The following GPC5 variants were observed in gnomAD, a reference collection of about 807,000 sequenced individuals.
GPC5 encodes glypican-5.
A neutral mutation model predicts 53.9 loss-of-function variants in GPC5; 47 were observed. The ratio of observed to expected loss-of-function variants is 0.87; its 90% CI spans 0.69 to 1.11. GPC5 has a LOEUF of 1.11. GPC5 is among the 50% of genes most tolerant of loss of function. GPC5 has a pLI of 0.00. For missense variants in GPC5, 748 were observed against 713.1 expected (o/e 1.05, Z -0.56); for synonymous variants, 286 against 263.3 (o/e 1.09, Z -0.84).
Position 91,928,047 on chromosome 13 carries a change from TAC to T in GPC5, c.1401+19996_1401+19997del, listed in dbSNP as rs2039785325. Among the ~76,000 whole-genome samples, 4 of 152,218 alleles carry T rather than the reference TAC, an allele frequency of 2.6e-5. No individual in the cohort carries two copies. The South Asian group carries it at 8.3e-4, about 32-fold the overall frequency. ...GGGCAACTGATTTTGCATGTGGGTG[TAC>T]ACACAGACACATATCCACATATTCT... On this transcript the variant is annotated intron_variant, in intron 6 of 7. Coordinates refer to ENST00000377067, the MANE Select transcript of GPC5 (RefSeq NM_004466.6).
intron 5 of GPC5, among the ~76,000 whole-genome samples, chr13:91,793,070 T>C (rs1051656128): frequency 1.3e-5 from 2 of 152,184 alleles, no homozygotes; most frequent in Non-Finnish European, 2.9e-5. Flanking sequence ...CTCATTCTGC[T>C]GCTGAAGACA....
chr13:92,192,792 A>T (rs910733986), intron 7 of GPC5, among the ~76,000 whole-genome samples: 3 of 152,226 alleles, frequency 2.0e-5, no homozygotes, highest in African/African-American at 7.2e-5. Flanking sequence ...GTTTAATACC[A>T]TTATGTTTGC....
At position 91,533,343 on chromosome 13, in the gene GPC5, A is replaced by C. The variant is rs1886438352; in HGVS notation, c.325+84421A>C. ...TCATTGGGCTTGAGAAAATTAGTTC[A>C]AAGACTGGAATTGTCATTAACAACT... On this transcript the variant is annotated intron_variant, in intron 2 of 7. Coordinates refer to ENST00000377067, the MANE Select transcript of GPC5 (RefSeq NM_004466.6). 2.0e-5 allele frequency among the ~76,000 whole-genome samples: 3 copies of C among 152,300 alleles called. No individual in the cohort carries two copies. The South Asian group carries it at 6.2e-4, about 32-fold the overall frequency.
intron 6 of GPC5, among the ~76,000 whole-genome samples, chr13:92,141,791 C>T (rs9523517): frequency 0.57 from 87,039 of 151,888 alleles, 25,302 homozygotes; most frequent in Non-Finnish European, 0.61. Flanking sequence ...AGAATCTGCT[C>T]CCAAGCTCGT....
At chr13:91,941,658 C>A (rs2039928534) in intron 6 of GPC5, among the ~76,000 whole-genome samples, 1 of 152,112 alleles carries the variant, frequency 6.6e-6, no homozygotes, top group Non-Finnish European at 1.5e-5. Context: ...GCAGAGGGAT[C>A]ATGTTTTAGC....
At chr13:92,673,024 C>G (rs1566356547) in intron 7 of GPC5, among the ~76,000 whole-genome samples, 1 of 151,990 alleles carries the variant, frequency 6.6e-6, no homozygotes, top group Non-Finnish European at 1.5e-5. Flanking sequence ...ACTTGTACCC[C>G]CGAACCTAAA....
At chr13:92,301,814 C>G (rs1042172525) in intron 7 of GPC5, among the ~76,000 whole-genome samples, 1 of 152,142 alleles carries the variant, frequency 6.6e-6, no homozygotes, top group Non-Finnish European at 1.5e-5. Context: ...AGGAGAATCA[C>G]TTGAACCCAG....
chr13:92,164,477 C>A (rs1337284751), intron 7 of GPC5, among the ~76,000 whole-genome samples: 1 of 152,240 alleles, frequency 6.6e-6, no homozygotes, highest in Non-Finnish European at 1.5e-5. Context: ...TCTCCTTTGA[C>A]TCCATCTCTC....
intron 7 of GPC5, among the ~76,000 whole-genome samples, chr13:92,272,067 T>C (rs2042843499): frequency 6.6e-6 from 1 of 152,206 alleles, no homozygotes; most frequent in Admixed American, 6.5e-5. Context: ...TTATTCACTA[T>C]ACTCAGCCAG....
chr13:92,651,554 G>T (rs1406140976), intron 7 of GPC5, among the ~76,000 whole-genome samples: 1 of 152,086 alleles, frequency 6.6e-6, no homozygotes, highest in Middle Eastern at 3.2e-3. Flanking sequence ...AGCCTATAGA[G>T]ACATGACAAC....
At chr13:92,379,931 A>G (rs536984942) in intron 7 of GPC5, among the ~76,000 whole-genome samples, 1 of 152,284 alleles carries the variant, frequency 6.6e-6, no homozygotes, top group East Asian at 1.9e-4. Context: ...ATTAGTTTGC[A>G]TACCAGAAAG....
At chr13:92,460,606 C>T (rs375415374) in intron 7 of GPC5, among the ~76,000 whole-genome samples, 39 of 152,212 alleles carry the variant, frequency 2.6e-4, no homozygotes, top group African/African-American at 9.4e-4. Context: ...TTGAGACCAA[C>T]TAAATGCTCA....
intron 7 of GPC5, among the ~76,000 whole-genome samples, chr13:92,833,942 C>T (rs1236085960): frequency 6.6e-6 from 1 of 152,106 alleles, no homozygotes; most frequent in East Asian, 1.9e-4. Flanking sequence ...TGGATTTCAT[C>T]CAAAGATAAA....
intron 5 of GPC5, among the ~76,000 whole-genome samples, chr13:91,842,526 C>T (rs962286030): frequency 6.7e-6 from 1 of 149,544 alleles, no homozygotes; most frequent in Admixed American, 6.7e-5. Flanking sequence ...CACGGTGAAA[C>T]CCCGTTTCTA....
In GPC5 at chr13:91,909,920, G is replaced by T. The variant is rs529552163; in HGVS notation, c.1401+1863G>T. 2.6e-5 allele frequency among the ~76,000 whole-genome samples: 4 copies of T among 152,104 alleles called. No individual in the cohort carries two copies. The South Asian group carries it at 8.3e-4, about 32-fold the overall frequency. On this transcript the variant is annotated intron_variant, in intron 6 of 7. Coordinates refer to ENST00000377067, the MANE Select transcript of GPC5 (RefSeq NM_004466.6). ...GAAGTCATCCTACCTTTCTTTTTTA[G>T]CTTCTGTGTGAACTCGAGTCCCATT...
intron 5 of GPC5, among the ~76,000 whole-genome samples, chr13:91,768,300 G>A (rs984802618): frequency 1.3e-5 from 2 of 152,006 alleles, no homozygotes; most frequent in Non-Finnish European, 2.9e-5. Context: ...CTTTTCTGAT[G>A]TATTTTTCAA....
At chr13:92,107,780 A>C (rs994823379) in intron 6 of GPC5, among the ~76,000 whole-genome samples, 1 of 152,134 alleles carries the variant, frequency 6.6e-6, no homozygotes, top group Non-Finnish European at 1.5e-5. Context: ...ACATTGACCA[A>C]ATGGTTTAAT....
intron 7 of GPC5, among the ~76,000 whole-genome samples, chr13:92,497,325 T>C (rs1181882000): frequency 1.3e-5 from 2 of 152,214 alleles, no homozygotes; most frequent in African/African-American, 4.8e-5. Context: ...TGCATATGGT[T>C]AGCCAGTTTT....
rs541972726 is a variant in GPC5 at position 91,785,536 on chromosome 13, T to C, written c.1280+29116T>C. ...ATATTTATTTTACTAACCCAGTCTT[T>C]CACAAATTTCAGGCTTGTATATCCA... On this transcript the variant is annotated intron_variant, in intron 5 of 7. Transcript: ENST00000377067. Among the ~76,000 whole-genome samples, 10 of 152,344 alleles carry C rather than the reference T, an allele frequency of 6.6e-5. No homozygotes were observed. In the East Asian group the frequency reaches 1.9e-3, roughly 29 times the overall value.
Sources: allele counts gnomAD v4.1 joint callset (sites outside exome capture counted in the v4.1 genomes callset), GRCh38; gene constraint gnomAD v4.1.1; transcripts MANE v1.5; gene names NCBI Gene and HGNC (gene_info 2026-07-23, HGNC 2026-07-21).